The following FAM161B variants were observed in gnomAD, a reference collection of about 807,000 sequenced individuals.
FAM161B encodes FAM161 centrosomal protein B, also known as protein FAM161B.
In FAM161B, 46 loss-of-function variants were observed where a neutral mutation model predicts 61.5. The ratio of observed to expected loss-of-function variants is 0.75; its 90% CI spans 0.59 to 0.96. The LOEUF is 0.96. Ranked by LOEUF, FAM161B falls within the 40% of genes least tolerant of loss-of-function variation. The pLI is 0.00. For missense variants in FAM161B, 774 were observed against 800.7 expected, an observed-to-expected ratio of 0.97 and a Z score of 0.40; for synonymous variants, 284 against 302.7, an observed-to-expected ratio of 0.94 and a Z score of 0.64.
intron 2 of FAM161B, 138 bp from the exon 3 acceptor site, chr14:73,945,023 A>G: frequency 3.3e-6 from 2 of 608,732 alleles, no homozygotes; most frequent in South Asian, 4.9e-5. Context: ...ACAGGCCTCT[A>G]TGTCCATGAC....
the FAM161B span, among the ~76,000 whole-genome samples, chr14:73,926,328 G>A: frequency 1.3e-5 from 2 of 151,712 alleles, no homozygotes; most frequent in African/African-American, 4.8e-5. Flanking sequence ...TTCAAACAAT[G>A]TCTGTATATT....
chr14:73,936,104 T>TA lies in FAM161B; in HGVS notation c.1666-17dup. ...TGGCTAGATCCTGTGGGATGGAAAT[T>TA]AATCTGTTGTAGCTGTCTTATGAAT... On this transcript the variant is annotated splice_polypyrimidine_tract_variant and intron_variant, in intron 7 of 8. Transcript: ENST00000286544. 6.3e-7 allele frequency: 1 copy of TA among 1,598,592 alleles called. No individual in the cohort carries two copies. Among genetic ancestry groups the TA allele is most frequent in the South Asian group, 1.1e-5 (1 of 88,736 alleles).
Position 73,940,950 on chromosome 14 carries a change from G to C in FAM161B, c.1376C>G (p.Thr459Ser). The change falls in exon 5 of 9, where the codon ACC (threonine) becomes AGC (serine). Residue 459 changes from threonine to serine, a missense_variant. Coordinates refer to ENST00000286544, the MANE Select transcript of FAM161B (RefSeq NM_152445.3). Reference protein sequence around the residue: ...NTLPVHITDATRKRESAVRSA... With the variant: ...NTLPVHITDASRKRESAVRSA... ...CCTGACTGCAGATTCCCTCTTCCTGGTGGCATCTGTGATGTGCACAGGGAG... is the reference window on the plus strand; with the variant it reads ...CCTGACTGCAGATTCCCTCTTCCTGCTGGCATCTGTGATGTGCACAGGGAG... The C allele has an allele frequency of 1.2e-6, 2 of 1,612,508 alleles. No homozygotes were observed. The highest frequency in any genetic ancestry group is 2.2e-5 in the East Asian group (1 of 44,840).
At chr14:73,926,203 A>G in the FAM161B span, among the ~76,000 whole-genome samples, 1 of 152,134 alleles carries the variant, frequency 6.6e-6, no homozygotes, top group African/African-American at 2.4e-5. Context: ...AAAAACTATA[A>G]TATCTTTACC....
At chr14:73,931,528 A>G, downstream of FAM161B, 1 of 1,608,172 alleles carries the variant, frequency 6.2e-7, no homozygotes, top group Non-Finnish European at 8.5e-7. Context: ...GATTTAACTG[A>G]AAGACGGACA....
chr14:73,934,452 C>T (rs2140340803), intron 8 of FAM161B, 58 bp from the exon 9 acceptor site: 3 of 1,526,444 alleles, frequency 2.0e-6, no homozygotes, highest in Non-Finnish European at 2.6e-6. Flanking sequence ...GACAGGGTCT[C>T]ACTCTCACCC....
At chr14:73,929,782 A>G (rs1252748044), downstream of FAM161B, among the ~76,000 whole-genome samples, 2 of 151,850 alleles carry the variant, frequency 1.3e-5, no homozygotes, top group Non-Finnish European at 2.9e-5. Context: ...TTGCCACTAC[A>G]CTGCAGTCTG....
chr14:73,935,070 A>G (rs200178391), intron 8 of FAM161B, among the ~76,000 whole-genome samples: 6 of 150,114 alleles, frequency 4.0e-5, no homozygotes, highest in Non-Finnish European at 7.4e-5. Context: ...TCAAAAAAAA[A>G]AGTCTCAACA....
At chr14:73,935,736 A>G (rs1365939987) in intron 8 of FAM161B, among the ~76,000 whole-genome samples, 1 of 152,216 alleles carries the variant, frequency 6.6e-6, no homozygotes, top group Non-Finnish European at 1.5e-5. Flanking sequence ...AATGGAAGAA[A>G]ACGAAACATA....
rs972814636 is a variant in FAM161B at position 73,932,503 on chromosome 14, A to G, written c.*1753T>C. On this transcript the variant is annotated 3_prime_UTR_variant, in exon 9 of 9. Transcript: ENST00000286544. ...TCTGAGAAAATGGCAATAAAAACAGATACTTCTGAATTTTTCCACAAAGAT... is the reference window on the plus strand; with the variant it reads ...TCTGAGAAAATGGCAATAAAAACAGGTACTTCTGAATTTTTCCACAAAGAT... 8 of 450,160 alleles carry G rather than the reference A, an allele frequency of 1.8e-5. No individual in the cohort carries two copies. The highest frequency in any genetic ancestry group is 8.1e-5 in the African/African-American group (4 of 49,546). 27.9% of individuals were successfully genotyped at this position (450,160 alleles called of 1,614,324 possible).
At chr14:73,943,038 T>C (rs1292007105) in intron 3 of FAM161B, among the ~76,000 whole-genome samples, 4 of 152,134 alleles carry the variant, frequency 2.6e-5, no homozygotes, top group South Asian at 2.1e-4. Context: ...TACTGAGCAC[T>C]TTCTATGATT....
chr14:73,924,610 T>C, the FAM161B span: 2 of 419,624 alleles, frequency 4.8e-6, no homozygotes, highest in African/African-American at 2.1e-5. Context: ...TGTCAAAACC[T>C]CTGTAGCTTG....
the FAM161B span, among the ~76,000 whole-genome samples, chr14:73,925,348 T>TGA: frequency 6.6e-6 from 1 of 152,078 alleles, no homozygotes; most frequent in Non-Finnish European, 1.5e-5. Flanking sequence ...CAGAGTACAG[T>TGA]GAGAGAGAGA....
the FAM161B span, among the ~76,000 whole-genome samples, chr14:73,925,420 C>T: frequency 6.6e-6 from 1 of 150,908 alleles, no homozygotes; most frequent in Non-Finnish European, 1.5e-5. Flanking sequence ...TCACACCTGT[C>T]TCCTAACTTT....
chr14:73,925,273 C>T, the FAM161B span, among the ~76,000 whole-genome samples: 12 of 152,168 alleles, frequency 7.9e-5, no homozygotes, highest in African/African-American at 1.9e-4. Context: ...ACGGAGCCTT[C>T]CTCTTTCTCC....
chr14:73,944,220 G>A, intron 3 of FAM161B, 115 bp downstream of exon 3: 1 of 1,484,204 alleles, frequency 6.7e-7, no homozygotes, highest in Non-Finnish European at 9.0e-7. Flanking sequence ...CCTCTAGTGG[G>A]TCCACCCAAG....
chr14:73,923,474 G>C, the FAM161B span: 3 of 1,613,880 alleles, frequency 1.9e-6, no homozygotes, highest in Non-Finnish European at 2.5e-6. Context: ...TGCAGTCAGG[G>C]AGGCAATCAT....
intron 8 of FAM161B, among the ~76,000 whole-genome samples, chr14:73,935,073 T>G (rs1209341235): frequency 6.5e-5 from 8 of 123,204 alleles, no homozygotes; most frequent in Non-Finnish European, 3.7e-5. Flanking sequence ...AAAAAAAAAG[T>G]CTCAACATTA....
rs780247779 is a variant in FAM161B at position 73,942,378 on chromosome 14, T to TC, written c.1262dup (p.Arg422LysfsTer50). 2.5e-6 allele frequency: 4 copies of TC among 1,613,584 alleles called. No homozygotes were observed. In the East Asian group the frequency reaches 8.9e-5, roughly 36 times the overall value. On this transcript the variant is annotated frameshift_variant, in exon 4 of 9. Transcript: ENST00000286544. LOFTEE classifies it high-confidence loss of function. ...CTGCCTGGGCTCTCACCTGCCTCCT[T>TC]CCGGTGGTGGCAGCATCACAGGGCC...
Sources: allele counts gnomAD v4.1 joint callset (sites outside exome capture counted in the v4.1 genomes callset), GRCh38; gene constraint gnomAD v4.1.1; transcripts MANE v1.5; gene names NCBI Gene and HGNC (gene_info 2026-07-23, HGNC 2026-07-21).